The following DYM variants were observed in gnomAD, a reference collection of about 807,000 sequenced individuals.
The protein encoded by DYM is dymeclin.
Under a neutral mutation model 93.1 loss-of-function variants are expected in DYM, and 78 were observed. That is an observed-to-expected ratio of 0.84 (90% CI 0.70 to 1.01). The LOEUF (loss-of-function observed/expected upper bound fraction) is 1.01. Among genes scored for constraint, DYM ranks in the 50% least tolerant of loss-of-function variants. The probability of loss-of-function intolerance (pLI) is 0.00; values close to 1 mark genes in which losing one functional copy is unlikely to be tolerated. For synonymous variants in DYM, 321 were observed against 319.7 expected (o/e 1.00, Z -0.04); for missense variants, 789 against 845.0 (o/e 0.93, Z 0.82).
In DYM at chr18:49,044,229, A is replaced by C; in HGVS notation, c.2026-25T>G. 1.9e-6 allele frequency: 3 copies of C among 1,613,684 alleles called. No homozygotes were observed. In the South Asian group the frequency reaches 3.3e-5, roughly 18 times the overall value. ...TCTGCAATGAAAATAAGATGATTTTATAATCCCACAGTTCCATGCACAAGC... is the reference window on the plus strand; with the variant it reads ...TCTGCAATGAAAATAAGATGATTTTCTAATCCCACAGTTCCATGCACAAGC... On this transcript the variant is annotated intron_variant, in intron 17 of 17. Coordinates refer to ENST00000675505, the MANE Select transcript of DYM (RefSeq NM_001353214.3).
rs56185813 is a variant in DYM, at chr18:49,289,760, T to C, written c.764-3144A>G. 6.9e-3 allele frequency among the ~76,000 whole-genome samples: 260 copies of C among 37,474 alleles called. 2 individuals carry two copies. Among genetic ancestry groups the C allele is most frequent in the South Asian group, 0.021 (24 of 1,132 alleles). 24.6% of individuals were successfully genotyped at this position (37,474 alleles called of 152,430 possible). On this transcript the variant is annotated intron_variant, in intron 8 of 17. Transcript: ENST00000675505. Reference sequence around the variant, plus strand: ...ATATATATATATATATATATATATATATATATATATATACACATATATATA... The same window carrying C: ...ATATATATATATATATATATATATACATATATATATATACACATATATATA...
chr18:49,319,043 G>C (rs931779864), intron 8 of DYM, among the ~76,000 whole-genome samples: 3 of 151,798 alleles, frequency 2.0e-5, no homozygotes, highest in Non-Finnish European at 4.4e-5. Flanking sequence ...CTGATCTTGT[G>C]ATCCACCCAC....
At chr18:49,135,418 T>C (rs771280080) in intron 15 of DYM, among the ~76,000 whole-genome samples, 15 of 152,176 alleles carry the variant, frequency 9.9e-5, no homozygotes, top group Admixed American at 2.0e-4. Context: ...TACTATTTAC[T>C]GCTTATATGA....
chr18:49,340,182 G>A (rs1401231676), intron 6 of DYM, among the ~76,000 whole-genome samples: 1 of 152,048 alleles, frequency 6.6e-6, no homozygotes. Context: ...TCGATCTCCT[G>A]ATCTCGTGAT....
intron 17 of DYM, among the ~76,000 whole-genome samples, chr18:49,066,401 C>T (rs1158241299): frequency 6.6e-6 from 1 of 152,214 alleles, no homozygotes; most frequent in Non-Finnish European, 1.5e-5. Flanking sequence ...GATTCTTTCA[C>T]TTACCATTAT....
At chr18:49,187,411 C>G (rs1259244505) in intron 14 of DYM, among the ~76,000 whole-genome samples, 4 of 152,150 alleles carry the variant, frequency 2.6e-5, no homozygotes, top group Non-Finnish European at 5.9e-5. Flanking sequence ...GGAAAGCTGT[C>G]ACTTTTGGGC....
chr18:49,294,243 G>T (rs956333764), intron 8 of DYM, among the ~76,000 whole-genome samples: 1 of 152,186 alleles, frequency 6.6e-6, no homozygotes, highest in Non-Finnish European at 1.5e-5. Context: ...TTGAAGTCAG[G>T]TAGCATGATG....
intron 5 of DYM, among the ~76,000 whole-genome samples, chr18:49,376,274 AACTT>A (rs1448907847): frequency 6.6e-6 from 1 of 152,366 alleles, no homozygotes; most frequent in East Asian, 1.9e-4. Context: ...GTTGGAAAGA[AACTT>A]TAGAACACTT....
intron 14 of DYM, among the ~76,000 whole-genome samples, chr18:49,180,346 G>C (rs1724145290): frequency 6.6e-6 from 1 of 152,096 alleles, no homozygotes; most frequent in Non-Finnish European, 1.5e-5. Flanking sequence ...GTAGTGATTA[G>C]TTGTTATTTT....
At chr18:49,343,297 T>G (rs1053801958) in intron 6 of DYM, among the ~76,000 whole-genome samples, 5 of 152,184 alleles carry the variant, frequency 3.3e-5, no homozygotes, top group African/African-American at 1.2e-4. Context: ...CCATCCTTGC[T>G]CATTCTGCTC....
intron 6 of DYM, among the ~76,000 whole-genome samples, chr18:49,351,262 A>C (rs1005342570): frequency 6.6e-6 from 1 of 152,082 alleles, no homozygotes; most frequent in Non-Finnish European, 1.5e-5. Context: ...GCTCTACTAA[A>C]AATATAAAAA....
chr18:49,077,455 G>A (rs1197211977), intron 17 of DYM, among the ~76,000 whole-genome samples: 1 of 152,208 alleles, frequency 6.6e-6, no homozygotes, highest in Non-Finnish European at 1.5e-5. Context: ...AAAATAATGT[G>A]AATTTCTGCC....
chr18:49,059,802 C>T (rs184934990), intron 17 of DYM, among the ~76,000 whole-genome samples: 1 of 152,294 alleles, frequency 6.6e-6, no homozygotes, highest in African/African-American at 2.4e-5. Context: ...GTGTGCCCAT[C>T]AACCAGCTAC....
intron 13 of DYM, among the ~76,000 whole-genome samples, chr18:49,247,669 C>G (rs912913726): frequency 8.5e-5 from 13 of 152,204 alleles, no homozygotes; most frequent in Non-Finnish European, 1.2e-4. Context: ...TTCTTTAAAG[C>G]TGACATTTTG....
At chr18:49,283,591 A>T (rs190660653) in intron 9 of DYM, among the ~76,000 whole-genome samples, 3 of 152,318 alleles carry the variant, frequency 2.0e-5, no homozygotes, top group Admixed American at 2.0e-4. Context: ...CAAAGAAGAT[A>T]AAGATAAGTT....
At chr18:49,343,934 C>T (rs1262036322) in intron 6 of DYM, among the ~76,000 whole-genome samples, 1 of 149,562 alleles carries the variant, frequency 6.7e-6, no homozygotes, top group African/African-American at 2.5e-5. Flanking sequence ...ATACAAGACC[C>T]CACCTCTACA....
At chr18:49,094,790 AGT>A (rs1361103950) in intron 17 of DYM, among the ~76,000 whole-genome samples, 1 of 152,206 alleles carries the variant, frequency 6.6e-6, no homozygotes, top group African/African-American at 2.4e-5. Flanking sequence ...ACTTCTACAA[AGT>A]TGGCTTCAAT....
chr18:49,204,977 T>C (rs1288129419), intron 14 of DYM, among the ~76,000 whole-genome samples: 1 of 152,226 alleles, frequency 6.6e-6, no homozygotes, highest in African/African-American at 2.4e-5. Context: ...TATTTATTTC[T>C]TGAGACAGAG....
At chr18:49,061,788 TG>T (rs1200658953) in intron 17 of DYM, among the ~76,000 whole-genome samples, 2 of 152,204 alleles carry the variant, frequency 1.3e-5, no homozygotes, top group Non-Finnish European at 2.9e-5. Context: ...AAATCAGGGC[TG>T]GGAAGGAAGA....
Sources: allele counts gnomAD v4.1 joint callset (sites outside exome capture counted in the v4.1 genomes callset), GRCh38; gene constraint gnomAD v4.1.1; transcripts MANE v1.5; gene names NCBI Gene and HGNC (gene_info 2026-07-23, HGNC 2026-07-21).